The following DNAL4 variants were observed in gnomAD, a reference collection of about 807,000 sequenced individuals.
DNAL4 encodes dynein light chain, outer arm 4.
In DNAL4, 10 loss-of-function variants were observed where a neutral mutation model predicts 12.6. That is an observed-to-expected ratio of 0.79 (90% CI 0.49 to 1.34). The LOEUF is 1.34. Among genes scored for constraint, DNAL4 ranks in the 40% most tolerant of loss-of-function variants. DNAL4 has a pLI of 0.00. For synonymous variants in DNAL4, 46 were observed against 53.1 expected, an observed-to-expected ratio of 0.87 and a Z score of 0.58; for missense variants, 128 against 138.1, an observed-to-expected ratio of 0.93 and a Z score of 0.37.
intron 1 of DNAL4, among the ~76,000 whole-genome samples, chr22:38,784,506 CTTT>C (rs1012937453): frequency 1.4e-5 from 2 of 139,170 alleles, no homozygotes. Context: ...GTCTCTTTCA[CTTT>C]TTTTTTTTTT....
In DNAL4 at chr22:38,779,349, C is replaced by T; in HGVS notation, c.*100G>A. 1 of 1,411,668 alleles carries T rather than the reference C, an allele frequency of 7.1e-7. No individual in the cohort carries two copies. The highest frequency in any genetic ancestry group is 9.4e-7 in the Non-Finnish European group (1 of 1,067,994). The allele number at this position is 1,411,668 out of a possible 1,614,324, so 87.4% of individuals were successfully genotyped here. A position where few individuals can be genotyped will look rare whatever the true frequency, so the allele number is the denominator to read the frequency against. On this transcript the variant is annotated 3_prime_UTR_variant, in exon 4 of 4. Coordinates refer to ENST00000216068, the MANE Select transcript of DNAL4 (RefSeq NM_005740.3). The surrounding 1 kb of genome is among the most constrained non-coding windows in gnomAD (Gnocchi z 4.3). ...ACACAAAGACAAAAAGAAAAGACCC[C>T]AACTCTCCTTGGAAAAACCAGGACC...
chr22:38,783,066 C>T (rs183655998), intron 1 of DNAL4, among the ~76,000 whole-genome samples, 196 bp from the exon 2 acceptor site: 13 of 152,222 alleles, frequency 8.5e-5, no homozygotes, highest in Admixed American at 6.5e-4. Flanking sequence ...CACACTGGTA[C>T]GATGCCGCAA....
chr22:38,780,301 G>A (rs2093032337), intron 3 of DNAL4, among the ~76,000 whole-genome samples: 1 of 152,166 alleles, frequency 6.6e-6, no homozygotes, highest in African/African-American at 2.4e-5. Flanking sequence ...AGGCACCATC[G>A]CCACCCTCCA....
chr22:38,793,223 G>A (rs895037901), intron 1 of DNAL4, among the ~76,000 whole-genome samples: 5 of 152,188 alleles, frequency 3.3e-5, no homozygotes, highest in African/African-American at 1.2e-4. Context: ...AGGAAGATCA[G>A]AGAGGGTCAA....
Position 38,778,630 on chromosome 22 carries a change from C to G in DNAL4, c.*819G>C, listed in dbSNP as rs552047460. 2 of 152,754 alleles carry G rather than the reference C, an allele frequency of 1.3e-5. No homozygotes were observed. The highest frequency in any genetic ancestry group is 2.9e-5 in the Non-Finnish European group (2 of 68,082). 9.5% of individuals were successfully genotyped at this position (152,754 alleles called of 1,614,324 possible). A position where few individuals can be genotyped will look rare whatever the true frequency, so the allele number is the denominator to read the frequency against. ...CACACTCGAAAAGAACATAGAAAACCCAGCAGAGAGCAGTACAAATCAGCA... is the reference window on the plus strand; with the variant it reads ...CACACTCGAAAAGAACATAGAAAACGCAGCAGAGAGCAGTACAAATCAGCA... On this transcript the variant is annotated 3_prime_UTR_variant, in exon 4 of 4. Transcript: ENST00000216068.
At chr22:38,792,945 G>T (rs1286188692) in intron 1 of DNAL4, among the ~76,000 whole-genome samples, 2 of 152,168 alleles carry the variant, frequency 1.3e-5, no homozygotes, top group Non-Finnish European at 2.9e-5. Flanking sequence ...GTACACAATT[G>T]TATGTGCTAT....
chr22:38,786,502 T>C (rs1274234050), intron 1 of DNAL4, among the ~76,000 whole-genome samples: 6 of 152,164 alleles, frequency 3.9e-5, no homozygotes, highest in African/African-American at 1.4e-4. Context: ...GAGATTGCGG[T>C]GAGCCAAGAT....
At chr22:38,790,855 T>C (rs372932455) in intron 1 of DNAL4, among the ~76,000 whole-genome samples, 1 of 152,160 alleles carries the variant, frequency 6.6e-6, no homozygotes, top group African/African-American at 2.4e-5. Flanking sequence ...GCAATGGTGT[T>C]TGTGTATCTA....
chr22:38,781,106 G>A, intron 2 of DNAL4, 97 bp from the exon 3 acceptor site: 16 of 1,370,252 alleles, frequency 1.2e-5, no homozygotes, highest in South Asian at 9.7e-5. Context: ...GGCATGGACA[G>A]CAGGTAGCCT....
intron 1 of DNAL4, among the ~76,000 whole-genome samples, chr22:38,787,792 T>G (rs888929448): frequency 4.6e-5 from 7 of 152,144 alleles, no homozygotes; most frequent in African/African-American, 1.7e-4. Context: ...GGCTATGGTG[T>G]GCCTTCACAT....
In DNAL4 at chr22:38,782,397, T is replaced by C. The variant is rs2093035584; in HGVS notation, c.69+266A>G. 6.6e-6 allele frequency among the ~76,000 whole-genome samples: 1 copy of C among 152,264 alleles called. No individual in the cohort carries two copies. Among genetic ancestry groups the C allele is most frequent in the Non-Finnish European group, 1.5e-5 (1 of 68,042 alleles). ...TCATGTTCTTAAAACATGTATTTCA[T>C]GTGGGCCAGGCCTTCGCCTGTCTCG... is the stretch of plus-strand genomic sequence containing the variant. On this transcript the variant is annotated intron_variant, in intron 2 of 3. Coordinates refer to ENST00000216068, the MANE Select transcript of DNAL4 (RefSeq NM_005740.3). The surrounding 1 kb of genome is among the most constrained non-coding windows in gnomAD (Gnocchi z 5.1).
chr22:38,788,888 G>A (rs924992195), intron 1 of DNAL4, among the ~76,000 whole-genome samples: 1 of 152,202 alleles, frequency 6.6e-6, no homozygotes, highest in East Asian at 1.9e-4. Context: ...AACTGTGCCC[G>A]TGAGTCCAGA....
In DNAL4 at chr22:38,791,870, G is replaced by T. The variant is rs1311530801; in HGVS notation, c.-140+2198C>A. ...CATGCCTGGCTAATTTTTGTGTGTT[G>T]TTTTTTTTTTTTTGAGTACAGATGG... On this transcript the variant is annotated intron_variant, in intron 1 of 3. Coordinates refer to ENST00000216068, the MANE Select transcript of DNAL4 (RefSeq NM_005740.3). 1.9e-4 allele frequency among the ~76,000 whole-genome samples: 27 copies of T among 140,086 alleles called. No individual in the cohort carries two copies. The East Asian group carries it at 4.1e-3, about 21-fold the overall frequency. The allele number at this position is 140,086 out of a possible 152,430, so 91.9% of individuals were successfully genotyped here.
At chr22:38,780,865 A>G in intron 3 of DNAL4, 61 bp downstream of exon 3, 1 of 1,562,686 alleles carries the variant, frequency 6.4e-7, no homozygotes, top group Non-Finnish European at 8.8e-7. Context: ...AACAGGGGCC[A>G]CTTTATTCAC....
At chr22:38,788,636 G>T (rs1030951421) in intron 1 of DNAL4, among the ~76,000 whole-genome samples, 2 of 152,202 alleles carry the variant, frequency 1.3e-5, no homozygotes, top group African/African-American at 4.8e-5. Flanking sequence ...GTTTTGTCAA[G>T]ATACAAAGTA....
intron 1 of DNAL4, among the ~76,000 whole-genome samples, chr22:38,790,357 T>C (rs1603240494): frequency 6.6e-6 from 1 of 152,190 alleles, no homozygotes; most frequent in Non-Finnish European, 1.5e-5. Flanking sequence ...GGAGACGATG[T>C]GAGCTCTGCA....
In DNAL4 at chr22:38,782,782, G is replaced by C; in HGVS notation, c.-51C>G. ...GAGAGTGGGGCTTTCAGGAGGTGCT[G>C]GGACTGGCAGTTAAGACACACCCAG... is the stretch of plus-strand genomic sequence containing the variant. On this transcript the variant is annotated 5_prime_UTR_variant, in exon 2 of 4. Coordinates refer to ENST00000216068, the MANE Select transcript of DNAL4 (RefSeq NM_005740.3). The surrounding 1 kb of genome is among the most constrained non-coding windows in gnomAD (Gnocchi z 5.1). 6.4e-7 allele frequency: 1 copy of C among 1,558,854 alleles called. No homozygotes were observed. The highest frequency in any genetic ancestry group is 8.7e-7 in the Non-Finnish European group (1 of 1,150,154).
chr22:38,789,102 A>G (rs998218035), intron 1 of DNAL4, among the ~76,000 whole-genome samples: 1 of 152,190 alleles, frequency 6.6e-6, no homozygotes, highest in Non-Finnish European at 1.5e-5. Context: ...AGAATGGGCG[A>G]TCTACATACA....
At chr22:38,784,981 C>T (rs920078336) in intron 1 of DNAL4, among the ~76,000 whole-genome samples, 19 of 150,492 alleles carry the variant, frequency 1.3e-4, no homozygotes, top group African/African-American at 4.4e-4. Flanking sequence ...ACAGACCCCC[C>T]CCCCCATCCA....
Sources: gnomAD v4.1 joint callset for allele counts (sites outside exome capture counted in the v4.1 genomes callset) on GRCh38, gnomAD v4.1.1 for gene constraint, Gnocchi (gnomAD v3.1) non-coding constraint, MANE v1.5 for transcripts, NCBI Gene and HGNC (gene_info 2026-07-23, HGNC 2026-07-21) for gene names.